MCCC1: variants seen among roughly 807,000 people sequenced by gnomAD.
MCCC1 encodes the protein methylcrotonoyl-CoA carboxylase subunit alpha, mitochondrial.
Under a neutral mutation model 83.8 loss-of-function variants are expected in MCCC1, and 64 were observed. The ratio of observed to expected loss-of-function variants is 0.76; its 90% CI spans 0.62 to 0.94. The LOEUF is 0.94. MCCC1 is among the 40% of genes least tolerant of loss of function. The pLI is 0.00. For synonymous variants in MCCC1, 322 were observed against 315.4 expected, an observed-to-expected ratio of 1.02 and a Z score of -0.22; for missense variants, 807 against 904.7, an observed-to-expected ratio of 0.89 and a Z score of 1.39.
At chr3:183,054,432 C>T (rs1162862790) in intron 8 of MCCC1, among the ~76,000 whole-genome samples, 1 of 151,502 alleles carries the variant, frequency 6.6e-6, no homozygotes, top group East Asian at 1.9e-4. Context: ...CGTGATTCAC[C>T]CGTCTCGGCC....
At chr3:183,036,257 C>T (rs1012021763) in intron 13 of MCCC1, among the ~76,000 whole-genome samples, 2 of 152,154 alleles carry the variant, frequency 1.3e-5, no homozygotes, top group East Asian at 3.9e-4. Context: ...CACTATGGCC[C>T]TTCCTATGCT....
intron 7 of MCCC1, among the ~76,000 whole-genome samples, chr3:183,069,485 T>C (rs1042107590): frequency 2.7e-5 from 4 of 150,232 alleles, no homozygotes; most frequent in African/African-American, 7.3e-5. Context: ...TGCCCCCCCC[T>C]TTTTTTTTGC....
chr3:183,046,304 CTTCTGTGT>C (rs892214070), intron 9 of MCCC1, among the ~76,000 whole-genome samples: 2 of 152,038 alleles, frequency 1.3e-5, no homozygotes, highest in African/African-American at 2.4e-5. Context: ...AGTTTGTAGT[CTTCTGTGT>C]TTCTGTGTTT....
At chr3:183,051,552 T>G (rs553456648) in intron 9 of MCCC1, among the ~76,000 whole-genome samples, 1 of 152,126 alleles carries the variant, frequency 6.6e-6, no homozygotes, top group Admixed American at 6.6e-5. Context: ...AGAGGATATT[T>G]AGGGCACTGA....
intron 1 of MCCC1, 95 bp from the exon 2 acceptor site, chr3:183,094,700 T>A: frequency 8.1e-7 from 1 of 1,229,458 alleles, no homozygotes; most frequent in Non-Finnish European, 1.2e-6. Flanking sequence ...CATGAAACCT[T>A]AAGCCAACTA....
intron 4 of MCCC1, 131 bp from the exon 5 acceptor site, chr3:183,072,618 T>C (rs1716781188): frequency 1.0e-6 from 1 of 990,324 alleles, no homozygotes; most frequent in Admixed American, 2.2e-5. Flanking sequence ...TATTAAACTC[T>C]GTTTCCAAAG....
At chr3:183,086,298 G>T (rs1242151814) in intron 4 of MCCC1, among the ~76,000 whole-genome samples, 1 of 152,104 alleles carries the variant, frequency 6.6e-6, no homozygotes, top group Non-Finnish European at 1.5e-5. Flanking sequence ...AGTTCCCTAC[G>T]TGGCCCTAGA....
intron 4 of MCCC1, among the ~76,000 whole-genome samples, chr3:183,084,628 A>G (rs1717756252): frequency 6.6e-6 from 1 of 152,232 alleles, no homozygotes; most frequent in African/African-American, 2.4e-5. Flanking sequence ...TCACTAATTT[A>G]GTTAAGGACT....
At chr3:183,017,228 CA>C in intron 18 of MCCC1, 37 bp downstream of exon 18, 1 of 1,580,190 alleles carries the variant, frequency 6.3e-7, no homozygotes, top group Non-Finnish European at 8.7e-7. Flanking sequence ...TGATTGCTCC[CA>C]AAGTCCTCAT....
At chr3:183,099,504 A>C (rs1002668840), upstream of MCCC1, 13 of 1,544,030 alleles carry the variant, frequency 8.4e-6, no homozygotes, top group African/African-American at 1.8e-4. Flanking sequence ...CACACGCCAA[A>C]CCCGTTCCTC....
chr3:183,045,763 A>G (rs1197739328), intron 9 of MCCC1, among the ~76,000 whole-genome samples: 1 of 152,216 alleles, frequency 6.6e-6, no homozygotes, highest in African/African-American at 2.4e-5. Flanking sequence ...TGGGGTTGTG[A>G]GCAAATGGTA....
At chr3:183,092,638 G>C (rs1164715946) in intron 2 of MCCC1, 93 bp from the exon 3 acceptor site, 10 of 1,519,820 alleles carry the variant, frequency 6.6e-6, no homozygotes, top group Non-Finnish European at 8.1e-6. Flanking sequence ...ATAAGGACTC[G>C]ACTGATAAGT....
chr3:183,092,409 C>G lies in MCCC1; in HGVS notation c.273G>C (p.Met91Ile). 1.9e-6 allele frequency: 3 copies of G among 1,614,104 alleles called. No individual in the cohort carries two copies. In the South Asian group the frequency reaches 3.3e-5, roughly 18 times the overall value. The change falls in exon 3 of 19, where the codon ATG (methionine) becomes ATC (isoleucine). Residue 91 changes from methionine (M) to isoleucine (I), a missense_variant and splice_region_variant. Coordinates refer to ENST00000265594, the MANE Select transcript of MCCC1 (RefSeq NM_020166.5). ...GTGGCTTCCAATTTTTAACACATAC[C>G]ATATCTACATGCATGGAATTTCTGT... ...EADRNSMHVD[M>I]ADEAYSIGPA... is the part of the protein sequence containing the mutation.
intron 4 of MCCC1, among the ~76,000 whole-genome samples, chr3:183,081,719 G>A (rs75887223): frequency 0.018 from 2,782 of 152,326 alleles, 84 homozygotes; most frequent in African/African-American, 0.062. Flanking sequence ...AAGCTCATAT[G>A]CCACTATTGT....
At chr3:183,057,521 C>T (rs1037768738) in intron 7 of MCCC1, 99 bp from the exon 8 acceptor site, 8 of 954,574 alleles carry the variant, frequency 8.4e-6, no homozygotes, top group Non-Finnish European at 1.3e-5. Context: ...AGGATTTCTC[C>T]ATTTTTACTT....
At chr3:183,018,823 A>T (rs11917464) in intron 17 of MCCC1, among the ~76,000 whole-genome samples, 1 of 152,130 alleles carries the variant, frequency 6.6e-6, no homozygotes, top group African/African-American at 2.4e-5. Flanking sequence ...TGAAGTCTTC[A>T]GAGCCCTGTG....
intron 7 of MCCC1, among the ~76,000 whole-genome samples, chr3:183,067,329 T>A (rs1716327988): frequency 6.6e-6 from 1 of 152,230 alleles, no homozygotes; most frequent in Non-Finnish European, 1.5e-5. Context: ...ATGGCTGGGC[T>A]GGGCTTAAAT....
intron 1 of MCCC1, chr3:183,099,034 G>A (rs940620631): frequency 9.6e-6 from 5 of 519,106 alleles, no homozygotes; most frequent in African/African-American, 3.8e-5. Flanking sequence ...GCGAAAGCCC[G>A]ATGTAAACGG....
Position 183,051,577 on chromosome 3 carries a change from A to G in MCCC1, c.955+582T>C, listed in dbSNP as rs147425576. Among the ~76,000 whole-genome samples, 7 of 152,328 alleles carry G rather than the reference A, an allele frequency of 4.6e-5. No homozygotes were observed. In the East Asian group the frequency reaches 1.3e-3, roughly 29 times the overall value. On this transcript the variant is annotated intron_variant, in intron 9 of 18. Coordinates refer to ENST00000265594, the MANE Select transcript of MCCC1 (RefSeq NM_020166.5). ...TAGGGCACTGAAACTATTCTATACC[A>G]TAGTACAATGGTGGATACATATCAT...
Sources: gnomAD v4.1 joint callset for allele counts (sites outside exome capture counted in the v4.1 genomes callset) on GRCh38, gnomAD v4.1.1 for gene constraint, MANE v1.5 for transcripts, NCBI Gene and HGNC (gene_info 2026-07-23, HGNC 2026-07-21) for gene names.